PLEKHG1: variants seen among roughly 807,000 people sequenced by gnomAD.
The protein encoded by PLEKHG1 is pleckstrin homology domain-containing family G member 1.
In PLEKHG1, 44 loss-of-function variants were observed where a neutral mutation model predicts 100.8. The observed-to-expected ratio is 0.44, with a 90% CI of 0.34 to 0.56. The LOEUF (loss-of-function observed/expected upper bound fraction) is 0.56. Ranked by LOEUF, PLEKHG1 falls within the 20% of genes least tolerant of loss-of-function variation. PLEKHG1 has a pLI of 0.01. For missense variants in PLEKHG1, 1,545 were observed against 1,720.9 expected (o/e 0.90, Z 1.81); for synonymous variants, 640 against 662.5 (o/e 0.97, Z 0.52).
intron 15 of PLEKHG1, 64 bp from the exon 17 acceptor site, chr6:150,839,769 T>A: frequency 9.8e-7 from 1 of 1,023,944 alleles, no homozygotes. Context: ...TATTCTCTTA[T>A]TTTTAATCTT....
intron 2 of PLEKHG1, among the ~76,000 whole-genome samples, chr6:150,650,381 CCT>C (rs1778680720): frequency 6.6e-6 from 1 of 152,160 alleles, no homozygotes; most frequent in South Asian, 2.1e-4. Context: ...TCACTGAACT[CCT>C]CTGTTTACAG....
At chr6:150,804,532 A>G (rs1459790548) in intron 6 of PLEKHG1, 78 bp from the exon 8 acceptor site, 3 of 1,174,896 alleles carry the variant, frequency 2.6e-6, no homozygotes, top group Admixed American at 4.9e-5. Flanking sequence ...GGAACTAATC[A>G]TAGCGGTGCC....
At chr6:150,815,284 C>G (rs1008048724) in intron 10 of PLEKHG1, among the ~76,000 whole-genome samples, 1 of 152,162 alleles carries the variant, frequency 6.6e-6, no homozygotes, top group Non-Finnish European at 1.5e-5. Flanking sequence ...CAGCTGCCTT[C>G]CGTTCTTTTA....
At chr6:150,703,615 C>CAAA (rs1272621431) in intron 3 of PLEKHG1, among the ~76,000 whole-genome samples, 2 of 139,936 alleles carry the variant, frequency 1.4e-5, no homozygotes, top group African/African-American at 6.2e-5. Context: ...AAAAAAAAAA[C>CAAA]AAAACAACTT....
intron 10 of PLEKHG1, among the ~76,000 whole-genome samples, chr6:150,813,312 A>AAC (rs1554278145): frequency 6.6e-6 from 1 of 151,564 alleles, no homozygotes; most frequent in Non-Finnish European, 1.5e-5. Context: ...CTCAAAAAAA[A>AAC]AAAAAAACAA....
chr6:150,617,516 T>C (rs897677734), intron 1 of PLEKHG1, among the ~76,000 whole-genome samples: 1 of 152,174 alleles, frequency 6.6e-6, no homozygotes, highest in African/African-American at 2.4e-5. Context: ...TCTGGAGGCT[T>C]TTAGAAGAAG....
At position 150,726,651 on chromosome 6, in the gene PLEKHG1, C is replaced by A. The variant is rs114140236; in HGVS notation, c.-99+5451C>A. ...TTACATGGTAAAACTAAGAAATTAA[C>A]AGGGTAACAAGATTTTTTTTTCACT... On this transcript the variant is annotated intron_variant, in intron 1 of 15. Coordinates refer to ENST00000358517, the Ensembl canonical transcript of PLEKHG1. 4.3e-3 allele frequency among the ~76,000 whole-genome samples: 651 copies of A among 152,088 alleles called. 6 individuals carry two copies. The highest frequency in any genetic ancestry group is 0.015 in the African/African-American group (620 of 41,418).
chr6:150,634,577 G>GA (rs1162619315), intron 1 of PLEKHG1, among the ~76,000 whole-genome samples: 2 of 151,996 alleles, frequency 1.3e-5, no homozygotes, highest in Admixed American at 6.5e-5. Flanking sequence ...AGAATTAAGT[G>GA]AATAAAAATA....
At chr6:150,606,826 A>G (rs1375171205) in intron 1 of PLEKHG1, among the ~76,000 whole-genome samples, 3 of 152,100 alleles carry the variant, frequency 2.0e-5, no homozygotes, top group Non-Finnish European at 4.4e-5. Flanking sequence ...ACTCAGGGGC[A>G]TGCTGGCTCA....
chr6:150,609,486 A>G (rs1389953275), intron 1 of PLEKHG1, among the ~76,000 whole-genome samples: 1 of 152,178 alleles, frequency 6.6e-6, no homozygotes, highest in Non-Finnish European at 1.5e-5. Context: ...GAGTTCTAGA[A>G]AAAGCAAGGC....
At chr6:150,692,113 C>T (rs573310499) in intron 3 of PLEKHG1, among the ~76,000 whole-genome samples, 3 of 152,240 alleles carry the variant, frequency 2.0e-5, no homozygotes, top group Non-Finnish European at 4.4e-5. Flanking sequence ...AACCTCACCC[C>T]ATATAAGGCC....
chr6:150,817,721 C>T (rs1158853831), intron 10 of PLEKHG1, among the ~76,000 whole-genome samples: 1 of 152,026 alleles, frequency 6.6e-6, no homozygotes, highest in Non-Finnish European at 1.5e-5. Context: ...CCATGCCTGG[C>T]TAATCTTTGT....
In PLEKHG1 at chr6:150,736,025, AC is replaced by A. The variant is rs1379458919; in HGVS notation, c.411+1934del. ...TATTCATGAATCAACTGTGTTTTAC[AC>A]TAGGGGTTGGTGAGCTTTTTCTAGG... On this transcript the variant is annotated intron_variant, in intron 2 of 15. Coordinates refer to ENST00000358517, the Ensembl canonical transcript of PLEKHG1. Among the ~76,000 whole-genome samples the A allele has an allele frequency of 7.9e-5, 12 of 152,314 alleles. No individual in the cohort carries two copies. In the East Asian group the frequency reaches 2.3e-3, roughly 29 times the overall value.
chr6:150,736,054 G>C (rs1043874177), intron 2 of PLEKHG1, among the ~76,000 whole-genome samples: 1 of 152,186 alleles, frequency 6.6e-6, no homozygotes, highest in Non-Finnish European at 1.5e-5. Context: ...TTTCTAGGCA[G>C]GGCCAGATAG....
intron 14 of PLEKHG1, chr6:150,828,285 C>T: frequency 6.2e-7 from 1 of 1,612,622 alleles, no homozygotes; most frequent in Admixed American, 1.7e-5. Flanking sequence ...TTACGACAGA[C>T]CTGGAGGAAA....
At chr6:150,621,364 G>A (rs185323510) in intron 1 of PLEKHG1, among the ~76,000 whole-genome samples, 207 of 150,930 alleles carry the variant, frequency 1.4e-3, no homozygotes, top group Non-Finnish European at 2.3e-3. Context: ...GGGCTTTTGT[G>A]GCACAAATCA....
At chr6:150,657,572 G>A (rs1210752451) in intron 3 of PLEKHG1, among the ~76,000 whole-genome samples, 1 of 152,212 alleles carries the variant, frequency 6.6e-6, no homozygotes, top group African/African-American at 2.4e-5. Context: ...TGTATTGGTA[G>A]ATTATCAGTA....
chr6:150,666,683 C>T (rs1357234724), intron 3 of PLEKHG1, among the ~76,000 whole-genome samples: 6 of 152,128 alleles, frequency 3.9e-5, no homozygotes, highest in Non-Finnish European at 7.3e-5. Context: ...ACAGCAAGTT[C>T]ATGTCAGAGA....
At chr6:150,620,265 A>C (rs2128556815) in intron 1 of PLEKHG1, among the ~76,000 whole-genome samples, 1 of 152,342 alleles carries the variant, frequency 6.6e-6, no homozygotes, top group Non-Finnish European at 1.5e-5. Flanking sequence ...TATTTCCCAA[A>C]GTCCTTCACT....
Sources: allele counts gnomAD v4.1 joint callset (sites outside exome capture counted in the v4.1 genomes callset), GRCh38; gene constraint gnomAD v4.1.1; transcripts MANE v1.5; gene names NCBI Gene and HGNC (gene_info 2026-07-23, HGNC 2026-07-21).